HCN1: variants seen among roughly 807,000 people sequenced by gnomAD.
HCN1 encodes hyperpolarization activated cyclic nucleotide gated potassium channel 1, also known as potassium/sodium hyperpolarization-activated cyclic nucleotide-gated channel 1.
In HCN1, 13 loss-of-function variants were observed where a neutral mutation model predicts 78.9. The observed-to-expected ratio is 0.16, with a 90% CI of 0.11 to 0.26. The LOEUF is 0.26. HCN1 is among the 10% of genes least tolerant of loss of function. HCN1 has a pLI of 1.00. For missense variants in HCN1, 810 were observed against 1,154.3 expected (o/e 0.70, Z 4.32); for synonymous variants, 552 against 455.5 (o/e 1.21, Z -2.70).
At position 45,467,417 on chromosome 5, in the gene HCN1, TCAAA is replaced by T. The variant is rs1189419754; in HGVS notation, c.850-5414_850-5411del. ...CCCATAATTTTGCTCATTTCTGGCATCAAACAACCTCCCAATGTCCACGTGCCAC... is the reference window on the plus strand; with the variant it reads ...CCCATAATTTTGCTCATTTCTGGCATCAACCTCCCAATGTCCACGTGCCAC... On this transcript the variant is annotated intron_variant, in intron 2 of 7. Coordinates refer to ENST00000303230, the MANE Select transcript of HCN1 (RefSeq NM_021072.4). Among the ~76,000 whole-genome samples the T allele has an allele frequency of 3.3e-5, 5 of 152,246 alleles. No homozygotes were observed. In the East Asian group the frequency reaches 7.7e-4, roughly 24 times the overall value.
chr5:45,634,239 C>T (rs1404793087), intron 2 of HCN1, among the ~76,000 whole-genome samples: 1 of 151,908 alleles, frequency 6.6e-6, no homozygotes, highest in Non-Finnish European at 1.5e-5. Flanking sequence ...TACACCTATC[C>T]TTTCTGTATA....
intron 2 of HCN1, among the ~76,000 whole-genome samples, chr5:45,524,007 G>A (rs1409198368): frequency 5.3e-5 from 8 of 152,092 alleles, no homozygotes; most frequent in Admixed American, 2.0e-4. Context: ...TAACATTTAA[G>A]TCTTTAATCC....
At chr5:45,650,048 A>G (rs991300830) in intron 1 of HCN1, among the ~76,000 whole-genome samples, 1 of 152,122 alleles carries the variant, frequency 6.6e-6, no homozygotes, top group African/African-American at 2.4e-5. Flanking sequence ...TACATATCAT[A>G]TATCTACCTA....
chr5:45,661,476 GA>G (rs1487079969), intron 1 of HCN1, among the ~76,000 whole-genome samples: 1 of 129,982 alleles, frequency 7.7e-6, no homozygotes, highest in Non-Finnish European at 1.6e-5. Context: ...GAAGGAAATA[GA>G]GACACAAAAA....
intron 3 of HCN1, among the ~76,000 whole-genome samples, chr5:45,427,471 A>G (rs772408158): frequency 1.3e-5 from 2 of 152,246 alleles, no homozygotes; most frequent in Admixed American, 6.5e-5. Context: ...TCTTTCTAAA[A>G]TATCTGAATA....
At chr5:45,659,628 A>T (rs1388224160) in intron 1 of HCN1, among the ~76,000 whole-genome samples, 30 of 145,956 alleles carry the variant, frequency 2.1e-4, no homozygotes, top group Non-Finnish European at 2.4e-4. Context: ...TGGAGCTGAA[A>T]ACCAAGGCTC....
intron 3 of HCN1, among the ~76,000 whole-genome samples, chr5:45,441,068 T>G (rs1359435853): frequency 6.6e-6 from 1 of 152,224 alleles, no homozygotes; most frequent in Non-Finnish European, 1.5e-5. Flanking sequence ...TTGAGTTTTC[T>G]GATTAAATGT....
intron 4 of HCN1, among the ~76,000 whole-genome samples, chr5:45,372,871 T>C (rs1262954163): frequency 7.0e-6 from 1 of 143,660 alleles, no homozygotes; most frequent in Non-Finnish European, 1.5e-5. Flanking sequence ...CAAAAATATG[T>C]ACGTATTCTA....
chr5:45,562,744 T>C lies in HCN1; in HGVS notation c.849+82441A>G, dbSNP rs180724159. ...AACCAGAATTGCCACTTTTTCTTTC[T>C]ACACGTCACTCAGAAAAAAAATTGC... On this transcript the variant is annotated intron_variant, in intron 2 of 7. Transcript: ENST00000303230. Among the ~76,000 whole-genome samples the C allele has an allele frequency of 5.1e-3, 780 of 152,310 alleles. 8 individuals carry two copies. Among genetic ancestry groups the C allele is most frequent in the Middle Eastern group, 0.02 (6 of 294 alleles).
intron 4 of HCN1, among the ~76,000 whole-genome samples, chr5:45,391,313 A>T (rs1221104448): frequency 6.6e-6 from 1 of 152,158 alleles, no homozygotes; most frequent in East Asian, 1.9e-4. Context: ...CAAGGTCAAG[A>T]TCATTATAAC....
At chr5:45,406,616 G>A (rs928157049) in intron 3 of HCN1, among the ~76,000 whole-genome samples, 23 of 151,940 alleles carry the variant, frequency 1.5e-4, no homozygotes, top group Non-Finnish European at 2.5e-4. Context: ...TGTCATAACC[G>A]TTTATATGAG....
At chr5:45,439,080 G>A (rs963580746) in intron 3 of HCN1, among the ~76,000 whole-genome samples, 16 of 151,826 alleles carry the variant, frequency 1.1e-4, no homozygotes, top group Admixed American at 2.6e-4. Flanking sequence ...ATATTCCAAG[G>A]GATGATCTGT....
Position 45,622,532 on chromosome 5 carries a change from GGA to G in HCN1, c.849+22651_849+22652del, listed in dbSNP as rs898834943. ...TTTCTCCAAAAAGACAGAGCCAGCTGGAGAGAGAGAGACAATTAAAGCTGATT... is the reference window on the plus strand; with the variant it reads ...TTTCTCCAAAAAGACAGAGCCAGCTGGAGAGAGAGACAATTAAAGCTGATT... On this transcript the variant is annotated intron_variant, in intron 2 of 7. Transcript: ENST00000303230. Among the ~76,000 whole-genome samples the G allele has an allele frequency of 8.5e-5, 13 of 152,072 alleles. 1 individual carries two copies. The East Asian group carries it at 2.1e-3, about 25-fold the overall frequency.
intron 6 of HCN1, 97 bp from the exon 7 acceptor site, chr5:45,267,350 GA>G: frequency 9.1e-7 from 1 of 1,097,256 alleles, no homozygotes; most frequent in Non-Finnish European, 1.3e-6. Flanking sequence ...CTCATGGTGT[GA>G]AAAAACAATT....
At chr5:45,681,396 A>C (rs566463393) in intron 1 of HCN1, among the ~76,000 whole-genome samples, 12 of 151,900 alleles carry the variant, frequency 7.9e-5, no homozygotes, top group African/African-American at 2.9e-4. Context: ...ATCTTTTCAG[A>C]CTCAAGTTCT....
chr5:45,281,200 G>T (rs953517688), intron 6 of HCN1, among the ~76,000 whole-genome samples: 1 of 152,046 alleles, frequency 6.6e-6, no homozygotes, highest in African/African-American at 2.4e-5. Context: ...TTGAAGAGGG[G>T]CCTGGTGGGA....
At position 45,287,338 on chromosome 5, in the gene HCN1, C is replaced by T. The variant is rs74851116; in HGVS notation, c.1618+16261G>A. Among the ~76,000 whole-genome samples the T allele has an allele frequency of 4.7e-3, 712 of 152,014 alleles. 3 individuals carry two copies. The highest frequency in any genetic ancestry group is 0.016 in the African/African-American group (679 of 41,480). ...GAGGATTAGATAATGAATAAGCTCCCTCTAATTCTAAATTTACAAAAATGT... is the reference window on the plus strand; with the variant it reads ...GAGGATTAGATAATGAATAAGCTCCTTCTAATTCTAAATTTACAAAAATGT... On this transcript the variant is annotated intron_variant, in intron 6 of 7. Transcript: ENST00000303230.
chr5:45,280,900 TC>T (rs1227315615), intron 6 of HCN1, among the ~76,000 whole-genome samples: 1 of 152,174 alleles, frequency 6.6e-6, no homozygotes, highest in Non-Finnish European at 1.5e-5. Context: ...TTTCAAAAAT[TC>T]CGTCTATTTT....
intron 2 of HCN1, among the ~76,000 whole-genome samples, chr5:45,481,379 T>C (rs963553520): frequency 2.0e-5 from 3 of 152,220 alleles, no homozygotes; most frequent in African/African-American, 7.2e-5. Flanking sequence ...TCATTATATA[T>C]GGCTCCTTTG....
Sources: allele counts gnomAD v4.1 joint callset (sites outside exome capture counted in the v4.1 genomes callset), GRCh38; gene constraint gnomAD v4.1.1; transcripts MANE v1.5; gene names NCBI Gene and HGNC (gene_info 2026-07-23, HGNC 2026-07-21).